RNLS: variants seen among roughly 807,000 people sequenced by gnomAD.
RNLS encodes the protein renalase.
RNLS carries 39 observed loss-of-function variants against 39.8 expected under a neutral mutation model. That is an observed-to-expected ratio of 0.98 (90% CI 0.76 to 1.28). The LOEUF (loss-of-function observed/expected upper bound fraction) is 1.28, where lower values mean the gene tolerates loss of function less well. RNLS is among the 50% of genes most tolerant of loss of function. The pLI is 0.00. For missense variants in RNLS, 410 were observed against 413.3 expected (o/e 0.99, Z 0.07); for synonymous variants, 147 against 150.7 (o/e 0.98, Z 0.18).
At chr10:88,547,071 A>T (rs988557124) in intron 4 of RNLS, among the ~76,000 whole-genome samples, 1 of 152,240 alleles carries the variant, frequency 6.6e-6, no homozygotes, top group Non-Finnish European at 1.5e-5. Flanking sequence ...AAGGTTGAAC[A>T]GGAGCGTGAG....
At chr10:88,570,008 T>C (rs1430054274) in intron 4 of RNLS, among the ~76,000 whole-genome samples, 1 of 152,174 alleles carries the variant, frequency 6.6e-6, no homozygotes, top group Admixed American at 6.5e-5. Context: ...TGAATTCTTC[T>C]AAACATTTAG....
At chr10:88,479,793 C>CTTTTTTTTTTTTTTTTT (rs11293313) in intron 4 of RNLS, among the ~76,000 whole-genome samples, 2 of 139,324 alleles carry the variant, frequency 1.4e-5, no homozygotes, top group Non-Finnish European at 3.1e-5. Flanking sequence ...TTCTTTTTTT[C>CTTTTTTTTTTTTTTTTT]TTTTTTTTTT....
the RNLS span, among the ~76,000 whole-genome samples, chr10:88,214,150 C>A: frequency 6.5e-4 from 99 of 152,296 alleles, no homozygotes; most frequent in South Asian, 2.3e-3. Flanking sequence ...ATTCTCTTAA[C>A]TTTCAGGTTC....
chr10:88,482,150 A>G (rs1844224128), intron 4 of RNLS, among the ~76,000 whole-genome samples: 1 of 152,060 alleles, frequency 6.6e-6, no homozygotes, highest in Non-Finnish European at 1.5e-5. Context: ...TGTTCATACT[A>G]CTTAGGGTTA....
chr10:88,462,955 C>T (rs2133945191), intron 4 of RNLS, among the ~76,000 whole-genome samples: 1 of 152,104 alleles, frequency 6.6e-6, no homozygotes, highest in South Asian at 2.1e-4. Flanking sequence ...TTTAAAAGTA[C>T]ATGATGGATT....
Position 88,468,783 on chromosome 10 carries a change from C to T in RNLS, c.526+104120G>A, listed in dbSNP as rs555501925. ...CTGCCCTTCTAGGAAGCCATGTTCCCGTACTACGTCCCTTTAGAGTAGAAT... is the reference window on the plus strand; with the variant it reads ...CTGCCCTTCTAGGAAGCCATGTTCCTGTACTACGTCCCTTTAGAGTAGAAT... On this transcript the variant is annotated intron_variant, in intron 4 of 6. Transcript: ENST00000331772. 1.4e-4 allele frequency among the ~76,000 whole-genome samples: 21 copies of T among 152,220 alleles called. No homozygotes were observed. In the South Asian group the frequency reaches 3.3e-3, roughly 24 times the overall value.
chr10:88,514,413 G>A (rs113121699), intron 4 of RNLS, among the ~76,000 whole-genome samples: 112 of 152,190 alleles, frequency 7.4e-4, no homozygotes, highest in African/African-American at 2.6e-3. Flanking sequence ...TGAGATTTGG[G>A]TGGGGACACA....
intron 4 of RNLS, among the ~76,000 whole-genome samples, chr10:88,522,720 C>T (rs1441116339): frequency 6.6e-6 from 1 of 151,806 alleles, no homozygotes; most frequent in African/African-American, 2.4e-5. Context: ...ATTAAAGGAA[C>T]AAAAAAATGA....
intron 4 of RNLS, among the ~76,000 whole-genome samples, chr10:88,517,672 T>C (rs1233211056): frequency 1.3e-5 from 2 of 151,870 alleles, no homozygotes; most frequent in African/African-American, 2.4e-5. Flanking sequence ...ACCTATACTA[T>C]TCAGTTAAAG....
intron 4 of RNLS, among the ~76,000 whole-genome samples, chr10:88,460,523 T>C (rs905650321): frequency 4.6e-5 from 7 of 152,078 alleles, no homozygotes; most frequent in Non-Finnish European, 8.8e-5. Context: ...ATCACCTTAA[T>C]AGCACCTATC....
the RNLS span, among the ~76,000 whole-genome samples, chr10:88,194,043 C>A: frequency 6.6e-6 from 1 of 152,172 alleles, no homozygotes; most frequent in African/African-American, 2.4e-5. Context: ...CGTCTACATG[C>A]CTAATAATGG....
chr10:88,450,156 T>A (rs1842285217), intron 4 of RNLS, among the ~76,000 whole-genome samples: 1 of 151,960 alleles, frequency 6.6e-6, no homozygotes, highest in Non-Finnish European at 1.5e-5. Context: ...AGAAAGGAAA[T>A]CAACACCCTC....
intron 2 of RNLS, among the ~76,000 whole-genome samples, chr10:88,581,934 C>T (rs1850594869): frequency 6.6e-6 from 1 of 152,172 alleles, no homozygotes; most frequent in African/African-American, 2.4e-5. Context: ...CGTTTGCTGA[C>T]TTTAGTCAAA....
chr10:88,330,092 A>ATATATATATATAT (rs750773423), intron 5 of RNLS, among the ~76,000 whole-genome samples: 36 of 138,218 alleles, frequency 2.6e-4, no homozygotes, highest in South Asian at 4.5e-4. Flanking sequence ...TATATATATA[A>ATATATATATATAT]ATATAAATAT....
At chr10:88,349,468 C>T (rs1368515159) in intron 5 of RNLS, among the ~76,000 whole-genome samples, 1 of 152,096 alleles carries the variant, frequency 6.6e-6, no homozygotes, top group Non-Finnish European at 1.5e-5. Flanking sequence ...AGTCCCCTCC[C>T]CTTTATTTTA....
intron 4 of RNLS, among the ~76,000 whole-genome samples, chr10:88,464,698 T>C (rs1742312279): frequency 6.6e-6 from 1 of 151,844 alleles, no homozygotes; most frequent in Admixed American, 6.6e-5. Flanking sequence ...CGGCTTACAT[T>C]AACAATACAG....
intron 5 of RNLS, among the ~76,000 whole-genome samples, chr10:88,326,164 T>C (rs1846590015): frequency 6.6e-6 from 1 of 152,166 alleles, no homozygotes; most frequent in African/African-American, 2.4e-5. Context: ...GGGGTATTGA[T>C]ACAAAAATAC....
At chr10:88,548,468 A>G (rs1048222377) in intron 4 of RNLS, among the ~76,000 whole-genome samples, 2 of 148,192 alleles carry the variant, frequency 1.3e-5, no homozygotes, top group Non-Finnish European at 3.0e-5. Context: ...GCAAAACCCT[A>G]TCTCTACTAA....
At chr10:88,178,206 A>G in the RNLS span, among the ~76,000 whole-genome samples, 9 of 152,042 alleles carry the variant, frequency 5.9e-5, no homozygotes, top group Admixed American at 5.9e-4. Context: ...AATGCTGCAG[A>G]CCTTTGGATG....
Sources: gnomAD v4.1 joint callset for allele counts (sites outside exome capture counted in the v4.1 genomes callset) on GRCh38, gnomAD v4.1.1 for gene constraint, MANE v1.5 for transcripts, NCBI Gene and HGNC (gene_info 2026-07-23, HGNC 2026-07-21) for gene names.